Variants in INTS6L observed in about 807,000 individuals in gnomAD.
INTS6L encodes the protein integrator complex subunit 6 like, also known as integrator complex subunit 6-like.
In INTS6L, 18 loss-of-function variants were observed where a neutral mutation model predicts 64.7. That is an observed-to-expected ratio of 0.28 (90% CI 0.19 to 0.41). The LOEUF is 0.41. Ranked by LOEUF, INTS6L falls within the 10% of genes least tolerant of loss-of-function variation. The pLI, the probability that INTS6L is intolerant of heterozygous loss-of-function variation, is 1.00. For synonymous variants in INTS6L, 227 were observed against 235.9 expected (o/e 0.96, Z 0.34); for missense variants, 533 against 661.0 (o/e 0.81, Z 2.12).
intron 12 of INTS6L, among the ~76,000 whole-genome samples, chrX:135,573,547 G>A (rs1343420683): frequency 8.9e-6 from 1 of 112,523 alleles, no homozygotes; most frequent in African/African-American, 3.2e-5. Flanking sequence ...CCACAGCAGC[G>A]GGAGGCTCTC....
intron 6 of INTS6L, among the ~76,000 whole-genome samples, chrX:135,548,782 A>T (rs1218739032): frequency 8.9e-6 from 1 of 112,115 alleles, no homozygotes; most frequent in Admixed American, 9.5e-5. Context: ...AAGTTATTCA[A>T]ATGACTGATA....
chrX:135,520,961 AG>A lies in INTS6L; in HGVS notation c.-31del, dbSNP rs1439112450. The A allele has an allele frequency of 6.7e-6, 8 of 1,185,729 alleles. No individual in the cohort carries two copies. The highest frequency in any genetic ancestry group is 9.1e-6 in the Non-Finnish European group (8 of 876,323). On this transcript the variant is annotated 5_prime_UTR_variant, in exon 1 of 18. The change creates a new upstream start codon in the 5' untranslated region. Coordinates refer to ENST00000639893, the MANE Select transcript of INTS6L (RefSeq NM_001351601.3). ...GCAGTGAGGGCAAGAGGGCCGGGAG[AG>A]TGGGGAGCGGAGGCAGGAGTGCGGG...
At chrX:135,564,731 CAA>C (rs112666496) in intron 9 of INTS6L, among the ~76,000 whole-genome samples, 2 of 95,366 alleles carry the variant, frequency 2.1e-5, no homozygotes, top group African/African-American at 7.7e-5. Context: ...TACACTGTCT[CAA>C]AAAAAAAAAA....
At position 135,520,968 on chromosome X, in the gene INTS6L, A is replaced by G. The variant is rs1556495945; in HGVS notation, c.-25A>G. On this transcript the variant is annotated 5_prime_UTR_variant, in exon 1 of 18. Transcript: ENST00000639893. ...GGGCAAGAGGGCCGGGAGAGTGGGG[A>G]GCGGAGGCAGGAGTGCGGGGGAAGA... is the stretch of plus-strand genomic sequence containing the variant. 8.4e-7 allele frequency: 1 copy of G among 1,195,937 alleles called. No homozygotes were observed. Among genetic ancestry groups the G allele is most frequent in the Non-Finnish European group, 1.1e-6 (1 of 883,836 alleles).
At chrX:135,530,641 C>T (rs1364580079) in intron 2 of INTS6L, among the ~76,000 whole-genome samples, 3 of 112,056 alleles carry the variant, frequency 2.7e-5, no homozygotes, top group African/African-American at 9.7e-5. Flanking sequence ...TACCATCATG[C>T]CTTTGCAGAG....
chrX:135,529,455 C>A (rs1556503402), intron 2 of INTS6L, among the ~76,000 whole-genome samples: 1 of 111,917 alleles, frequency 8.9e-6, no homozygotes, highest in African/African-American at 3.2e-5. Flanking sequence ...AGGATTCTTA[C>A]TTCTGACAGT....
intron 7 of INTS6L, among the ~76,000 whole-genome samples, chrX:135,551,591 A>G (rs1182341127): frequency 8.9e-6 from 1 of 112,200 alleles, no homozygotes; most frequent in Non-Finnish European, 1.9e-5. Flanking sequence ...CATTCCCAGC[A>G]TATCTGGACT....
chrX:135,576,888 T>C (rs1201344617), intron 14 of INTS6L, among the ~76,000 whole-genome samples: 1 of 112,390 alleles, frequency 8.9e-6, no homozygotes, highest in African/African-American at 3.2e-5. Flanking sequence ...TTAATCATTA[T>C]TGTAGTATGT....
Position 135,579,902 on chromosome X carries a change from T to G in INTS6L, c.2234T>G (p.Leu745Arg). 1 of 1,211,810 alleles carries G rather than the reference T, an allele frequency of 8.3e-7. No homozygotes were observed. Among genetic ancestry groups the G allele is most frequent in the African/African-American group, 1.7e-5 (1 of 57,787 alleles). Residue 745 changes from leucine to arginine, a missense_variant, in exon 16 of 18, where the codon CTT becomes CGT. Leu to Arg is a moderately radical substitution (Grantham distance 102). Coordinates refer to ENST00000639893, the MANE Select transcript of INTS6L (RefSeq NM_001351601.3). ...GAGCTTATAAATATGACAGGAGATCTTATGCCACCCAACCAAGTGGATTCT... is the reference window on the plus strand; with the variant it reads ...GAGCTTATAAATATGACAGGAGATCGTATGCCACCCAACCAAGTGGATTCT... The part of the protein sequence containing the change: ...PSELINMTGD[L>R]MPPNQVDSLS...
intron 9 of INTS6L, among the ~76,000 whole-genome samples, chrX:135,560,955 C>CT (rs2086774202): frequency 1.4e-4 from 4 of 27,610 alleles, no homozygotes; most frequent in Admixed American, 1.2e-3. Context: ...TTTTTCTTTT[C>CT]TTTCTTTTTT....
At chrX:135,579,322 G>GTTC (rs2148680454) in intron 15 of INTS6L, among the ~76,000 whole-genome samples, 1 of 112,264 alleles carries the variant, frequency 8.9e-6, no homozygotes, top group South Asian at 3.7e-4. Flanking sequence ...GATGGAGTGT[G>GTTC]TATAGAACTT....
chrX:135,556,009 A>G (rs1029074798), intron 8 of INTS6L, among the ~76,000 whole-genome samples, 159 bp from the exon 9 acceptor site: 1 of 112,231 alleles, frequency 8.9e-6, no homozygotes, highest in Non-Finnish European at 1.9e-5. Context: ...CTGGCCTAGT[A>G]TAATATATTT....
At position 135,550,249 on chromosome X, in the gene INTS6L, A is replaced by T. The variant is rs1011971400; in HGVS notation, c.906+444A>T. On this transcript the variant is annotated intron_variant, in intron 7 of 17. Coordinates refer to ENST00000639893, the MANE Select transcript of INTS6L (RefSeq NM_001351601.3). The stretch of plus-strand genomic sequence containing the variant: ...ATATTAAAATCATATTCAAAATTCT[A>T]CTTCTTCCTACTTTTCATCTTTTTG... Among the ~76,000 whole-genome samples, 5 of 112,070 alleles carry T rather than the reference A, an allele frequency of 4.5e-5. No homozygotes were observed. The East Asian group carries it at 1.1e-3, about 25-fold the overall frequency.
rs938048328 is a variant in INTS6L at position 135,570,783 on chromosome X, C to T, written c.1398+237C>T. ...CTTTTGCCTGCCAGTTTGTCCTACC[C>T]GCAAGCTGGTTGATATGGGGCAGAG... On this transcript the variant is annotated intron_variant, in intron 11 of 17. Coordinates refer to ENST00000639893, the MANE Select transcript of INTS6L (RefSeq NM_001351601.3). 6.0e-5 allele frequency: 20 copies of T among 333,069 alleles called. No homozygotes were observed. In the Admixed American group the frequency reaches 6.2e-4, roughly 10 times the overall value. The allele number at this position is 333,069 out of a possible 1,213,427, so 27.4% of individuals were successfully genotyped here.
At chrX:135,579,738 T>C in intron 15 of INTS6L, 50 bp from the exon 16 acceptor site, 1 of 1,129,545 alleles carries the variant, frequency 8.9e-7, no homozygotes, top group Non-Finnish European at 1.2e-6. Flanking sequence ...ACCTGTGGGG[T>C]TGACATAATA....
chrX:135,561,105 C>G (rs1465585461), intron 9 of INTS6L, among the ~76,000 whole-genome samples: 5 of 107,476 alleles, frequency 4.7e-5, no homozygotes, highest in African/African-American at 1.7e-4. Context: ...GCATGTACCA[C>G]CCTGCCTGGC....
chrX:135,546,205 C>T (rs2086351592), intron 3 of INTS6L, among the ~76,000 whole-genome samples, 175 bp from the exon 4 acceptor site: 1 of 111,930 alleles, frequency 8.9e-6, no homozygotes, highest in African/African-American at 3.3e-5. Flanking sequence ...TGAATGTTAC[C>T]TCTTCAGGGG....
intron 2 of INTS6L, among the ~76,000 whole-genome samples, chrX:135,533,586 G>A (rs1485321725): frequency 9.1e-6 from 1 of 109,419 alleles, no homozygotes; most frequent in Non-Finnish European, 1.9e-5. Context: ...AGTGTGTGTG[G>A]TTCCCCCCAT....
At chrX:135,526,362 T>A (rs2085736214) in intron 2 of INTS6L, among the ~76,000 whole-genome samples, 1 of 111,908 alleles carries the variant, frequency 8.9e-6, no homozygotes, top group Non-Finnish European at 1.9e-5. Context: ...GTTCATGATC[T>A]GGCCCTATCT....
Sources: gnomAD v4.1 joint callset for allele counts (sites outside exome capture counted in the v4.1 genomes callset) on GRCh38, gnomAD v4.1.1 for gene constraint, MANE v1.5 for transcripts, NCBI Gene and HGNC (gene_info 2026-07-23, HGNC 2026-07-21) for gene names.